ATXN7L2: variants seen among roughly 807,000 people sequenced by gnomAD.
ATXN7L2 encodes the protein ataxin-7-like protein 2.
A neutral mutation model predicts 59.6 loss-of-function variants in ATXN7L2; 17 were observed. The observed-to-expected ratio is 0.29, with a 90% CI of 0.20 to 0.43. ATXN7L2 has a LOEUF of 0.43. Ranked by LOEUF, ATXN7L2 falls within the 20% of genes least tolerant of loss-of-function variation. The pLI, the probability that ATXN7L2 is intolerant of heterozygous loss-of-function variation, is 1.00. For missense variants in ATXN7L2, 858 were observed against 1,008.9 expected (o/e 0.85, Z 2.03); for synonymous variants, 378 against 392.5 (o/e 0.96, Z 0.44).
chr1:109,492,716 G>C lies in ATXN7L2; in HGVS notation c.*116G>C. 7.7e-7 allele frequency: 1 copy of C among 1,301,532 alleles called. No individual in the cohort carries two copies. The highest frequency in any genetic ancestry group is 1.4e-5 in the South Asian group (1 of 72,954). The allele number at this position is 1,301,532 out of a possible 1,614,324, so 80.6% of individuals were successfully genotyped here. A position where few individuals can be genotyped will look rare whatever the true frequency, so the allele number is the denominator to read the frequency against. Reference sequence around the variant, plus strand: ...ATATTATTTTTTTTTAAGAAAAAAAGCTCTTTAAAATACCTCAAGACTGTC... The same window carrying C: ...ATATTATTTTTTTTTAAGAAAAAAACCTCTTTAAAATACCTCAAGACTGTC... On this transcript the variant is annotated 3_prime_UTR_variant, in exon 11 of 11. Coordinates refer to ENST00000683729, the MANE Select transcript of ATXN7L2 (RefSeq NM_001350175.2).
Position 109,491,054 on chromosome 1 carries a change from C to T in ATXN7L2, c.1587C>T (p.Ser529=). ...CCCTGAGACCTGCCTGCCCAGCCTC[C>T]ATGCCCCCCACCAAGGACAACCTTG... ...GPTLRPACPA[S]MPPTKDNLVP... The change falls in exon 10 of 11, where the codon TCC becomes TCT. Residue 529 remains serine, a synonymous_variant. Transcript: ENST00000683729. This position sits in a 1 kb window ranked among gnomAD's most constrained non-coding sequence, Gnocchi z 4.1. 4 of 1,613,804 alleles carry T rather than the reference C, an allele frequency of 2.5e-6. No homozygotes were observed. Among genetic ancestry groups the T allele is most frequent in the South Asian group, 1.1e-5 (1 of 91,082 alleles).
chr1:109,492,484 A>G (rs1657174087), intron 10 of ATXN7L2, 102 bp from the exon 11 acceptor site: 15 of 1,485,800 alleles, frequency 1.0e-5, no homozygotes, highest in Non-Finnish European at 1.4e-5. Context: ...GGCCAGCAGA[A>G]GGAAATCAAG....
At chr1:109,489,237 TC>T (rs1347915978) in intron 7 of ATXN7L2, 137 bp downstream of exon 7, 1 of 1,198,380 alleles carries the variant, frequency 8.3e-7, no homozygotes, top group Non-Finnish European at 1.2e-6. Flanking sequence ...TTCCTGGGGC[TC>T]CTGACAGTGG....
rs775390150 is a variant in ATXN7L2 at position 109,489,921 on chromosome 1, C to T, written c.1134-9C>T. Reference sequence around the variant, plus strand: ...CACATTCCCCTGGCATCCCTTTTGGCCCTTCCAGGTCCCGGGCCTCCTCCG... The same window carrying T: ...CACATTCCCCTGGCATCCCTTTTGGTCCTTCCAGGTCCCGGGCCTCCTCCG... On this transcript the variant is annotated splice_polypyrimidine_tract_variant and intron_variant, in intron 7 of 10. Transcript: ENST00000683729. 6.2e-7 allele frequency: 1 copy of T among 1,613,068 alleles called. No individual in the cohort carries two copies. Among genetic ancestry groups the T allele is most frequent in the South Asian group, 1.1e-5 (1 of 91,064 alleles).
intron 4 of ATXN7L2, 94 bp downstream of exon 4, chr1:109,487,311 T>A: frequency 3.1e-6 from 4 of 1,288,796 alleles, no homozygotes; most frequent in Non-Finnish European, 4.2e-6. Flanking sequence ...CAAGGCATAC[T>A]CCTCACAGCA....
intron 7 of ATXN7L2, chr1:109,489,601 C>T (rs1656866482): frequency 1.2e-5 from 5 of 403,264 alleles, no homozygotes; most frequent in South Asian, 3.5e-5. Flanking sequence ...GGGGGTTGAG[C>T]GAGTTGACTG....
chr1:109,485,644 G>A (rs929507329), intron 1 of ATXN7L2: 2 of 987,848 alleles, frequency 2.0e-6, no homozygotes, highest in African/African-American at 3.5e-5. Context: ...AGAAACATTG[G>A]TTAAGGACGG....
chr1:109,483,920 G>A lies in ATXN7L2; in HGVS notation c.-34G>A, dbSNP rs1489402643. The A allele has an allele frequency of 1.7e-6, 2 of 1,175,340 alleles. No individual in the cohort carries two copies. The highest frequency in any genetic ancestry group is 3.2e-5 in the African/African-American group (2 of 61,986). The allele number at this position is 1,175,340 out of a possible 1,614,324, so 72.8% of individuals were successfully genotyped here. On this transcript the variant is annotated 5_prime_UTR_variant, in exon 1 of 11. Coordinates refer to ENST00000683729, the MANE Select transcript of ATXN7L2 (RefSeq NM_001350175.2). ...GCGAGGGGGAGGGGGCCGCGCGGCG[G>A]CGGCGCCAGGGCGGGCGCGCGTCCG...
rs1193331307 is a variant in ATXN7L2 at position 109,491,683 on chromosome 1, C to T, written c.2216C>T (p.Ala739Val). 2 of 1,607,948 alleles carry T rather than the reference C, an allele frequency of 1.2e-6. No homozygotes were observed. Among genetic ancestry groups the T allele is most frequent in the East Asian group, 2.2e-5 (1 of 44,744 alleles). ...CSVRRKKPGPALAFEEKCSTL... is the reference protein window; with the variant it reads ...CSVRRKKPGPVLAFEEKCSTL... ...GTGCGCCGCAAGAAGCCAGGCCCGG[C>T]CCTGGCCTTTGAGGAGAAGTGCTCT... is the stretch of plus-strand genomic sequence containing the variant. The change falls in exon 10 of 11, where the codon GCC (alanine) becomes GTC (valine). Residue 739 changes from alanine to valine, a missense_variant. Coordinates refer to ENST00000683729, the MANE Select transcript of ATXN7L2 (RefSeq NM_001350175.2). This position sits in a 1 kb window ranked among gnomAD's most constrained non-coding sequence, Gnocchi z 4.1.
rs772939744 is a variant in ATXN7L2 at position 109,491,554 on chromosome 1, C to G, written c.2087C>G (p.Ser696Cys). ...AAGGCCCTGCCAACCAACTGCCTCT[C>G]TGAGGAGGAGGTGGCCAAGAAGCGG... The part of the protein sequence containing the change: ...PAKALPTNCL[S>C]EEEVAKKRKN... Residue 696 changes from serine to cysteine, a missense_variant, in exon 10 of 11, where the codon TCT (serine) becomes TGT (cysteine). Transcript: ENST00000683729. This position sits in a 1 kb window ranked among gnomAD's most constrained non-coding sequence, Gnocchi z 4.1. 1 of 1,614,002 alleles carries G rather than the reference C, an allele frequency of 6.2e-7. No homozygotes were observed. Among genetic ancestry groups the G allele is most frequent in the Non-Finnish European group, 8.5e-7 (1 of 1,180,046 alleles).
rs917292153 is a variant in ATXN7L2 at position 109,488,595 on chromosome 1, G to A, written c.879+130G>A. On this transcript the variant is annotated intron_variant, in intron 6 of 10. Coordinates refer to ENST00000683729, the MANE Select transcript of ATXN7L2 (RefSeq NM_001350175.2). The surrounding 1 kb of genome is among the most constrained non-coding windows in gnomAD (Gnocchi z 5.0). ...GGGAGGGCAGTTAGGCCCACCCAAG[G>A]GAAGGGGAGATGGGTATGCCCCTCC... 2.7e-6 allele frequency: 3 copies of A among 1,128,640 alleles called. No individual in the cohort carries two copies. In the African/African-American group the frequency reaches 4.7e-5, roughly 18 times the overall value. The allele number at this position is 1,128,640 out of a possible 1,614,324, so 69.9% of individuals were successfully genotyped here.
chr1:109,489,601 C>G (rs1656866482), intron 7 of ATXN7L2: 2 of 403,146 alleles, frequency 5.0e-6, no homozygotes, highest in African/African-American at 4.1e-5. Flanking sequence ...GGGGGTTGAG[C>G]GAGTTGACTG....
chr1:109,484,831 A>G (rs895410015), intron 1 of ATXN7L2, among the ~76,000 whole-genome samples: 1 of 152,164 alleles, frequency 6.6e-6, no homozygotes, highest in African/African-American at 2.4e-5. Context: ...GAAGTTTGCA[A>G]GTGAGAAGAG....
intron 1 of ATXN7L2, chr1:109,485,460 C>G: frequency 3.0e-6 from 3 of 985,408 alleles, no homozygotes; most frequent in Non-Finnish European, 3.6e-6. Flanking sequence ...CTGTGACCAT[C>G]CTATCAGTGC....
chr1:109,486,009 ACT>A lies in ATXN7L2; in HGVS notation c.128-43_128-42del, dbSNP rs1265112899. On this transcript the variant is annotated intron_variant, in intron 1 of 10. Coordinates refer to ENST00000683729, the MANE Select transcript of ATXN7L2 (RefSeq NM_001350175.2). The surrounding 1 kb of genome is among the most constrained non-coding windows in gnomAD (Gnocchi z 4.3). ...AGTCTCTGGTAAGGAGAGGCTGGAG[ACT>A]CTCTAAAACTGGCCCTGACCCTTCT... 1.3e-6 allele frequency: 2 copies of A among 1,493,790 alleles called. No individual in the cohort carries two copies. The highest frequency in any genetic ancestry group is 1.4e-5 in the South Asian group (1 of 71,326). 92.5% of individuals were successfully genotyped at this position (1,493,790 alleles called of 1,614,324 possible). A position where few individuals can be genotyped will look rare whatever the true frequency, so the allele number is the denominator to read the frequency against.
chr1:109,491,613 G>A lies in ATXN7L2; in HGVS notation c.2146G>A (p.Ala716Thr). The change falls in exon 10 of 11, where the codon GCC becomes ACC. Residue 716 changes from alanine (A) to threonine (T), a missense_variant. By Grantham distance (58) the Ala-to-Thr change is moderately conservative (BLOSUM62 0). This residue lies in a region of ATXN7L2 where 734 missense variants were observed against 862.3 expected (regional missense o/e 0.85). Transcript: ENST00000683729. The surrounding 1 kb of genome is among the most constrained non-coding windows in gnomAD (Gnocchi z 4.1). ...GGCCACTTATTGCCGGCCAGTGAAG[G>A]CCAAGCACTGTCAGGCTGGTGCCCC... ...NLATYCRPVK[A>T]KHCQAGAPAD... The A allele has an allele frequency of 1.2e-6, 2 of 1,613,636 alleles. No individual in the cohort carries two copies. Among genetic ancestry groups the A allele is most frequent in the Non-Finnish European group, 1.7e-6 (2 of 1,179,944 alleles).
At chr1:109,485,274 TA>T (rs1336694457) in intron 1 of ATXN7L2, 2 of 713,854 alleles carry the variant, frequency 2.8e-6, no homozygotes, top group African/African-American at 7.2e-5. Flanking sequence ...AGGAGAGAGG[TA>T]GGGGGATGGG....
Position 109,483,945 on chromosome 1 carries a change from G to C in ATXN7L2, c.-9G>C. ...GCGGCGCCAGGGCGGGCGCGCGTCC[G>C]CGGCGGTGATGGCGGTGCGTGAACG... On this transcript the variant is annotated 5_prime_UTR_variant, in exon 1 of 11. Coordinates refer to ENST00000683729, the MANE Select transcript of ATXN7L2 (RefSeq NM_001350175.2). 8.1e-7 allele frequency: 1 copy of C among 1,232,228 alleles called. No individual in the cohort carries two copies. The highest frequency in any genetic ancestry group is 1.0e-6 in the Non-Finnish European group (1 of 983,682). The allele number at this position is 1,232,228 out of a possible 1,614,324, so 76.3% of individuals were successfully genotyped here.
rs748854536 is a variant in ATXN7L2 at position 109,488,472 on chromosome 1, C to T, written c.879+7C>T. ...CCGCCTGTTGACCTGCAAGGTAACC[C>T]CCTTCCCACTGCACGGTGAGGGAGG... On this transcript the variant is annotated splice_region_variant and intron_variant, in intron 6 of 10. Transcript: ENST00000683729. The surrounding 1 kb of genome is among the most constrained non-coding windows in gnomAD (Gnocchi z 5.0). 8 of 1,605,892 alleles carry T rather than the reference C, an allele frequency of 5.0e-6. No homozygotes were observed. In the East Asian group the frequency reaches 1.6e-4, roughly 31 times the overall value.
Sources: allele counts gnomAD v4.1 joint callset (sites outside exome capture counted in the v4.1 genomes callset), GRCh38; gene constraint gnomAD v4.1.1; regional missense constraint gnomAD v4.1.1; non-coding constraint Gnocchi (gnomAD v3.1); transcripts MANE v1.5; gene names NCBI Gene and HGNC (gene_info 2026-07-23, HGNC 2026-07-21).